The following CLRN3 variants were observed in gnomAD, a reference collection of about 807,000 sequenced individuals.
The protein encoded by CLRN3 is clarin-3.
A neutral mutation model predicts 16.7 loss-of-function variants in CLRN3; 12 were observed. The observed-to-expected ratio is 0.72, with a 90% CI of 0.46 to 1.16. The LOEUF (loss-of-function observed/expected upper bound fraction) is 1.16. CLRN3 is among the 50% of genes most tolerant of loss of function. CLRN3 has a pLI of 0.00. For missense variants in CLRN3, 296 were observed against 274.2 expected (o/e 1.08, Z -0.56); for synonymous variants, 118 against 113.0 (o/e 1.04, Z -0.28).
chr10:127,881,796 G>C (rs1004763932), intron 2 of CLRN3, among the ~76,000 whole-genome samples: 1 of 152,200 alleles, frequency 6.6e-6, no homozygotes, highest in African/African-American at 2.4e-5. Flanking sequence ...AGAGTGGCCA[G>C]CAGTCATCTT....
rs190444971 is a variant in CLRN3, at chr10:127,891,236, T to C, written c.229+1320A>G. Among the ~76,000 whole-genome samples, 1,217 of 152,324 alleles carry C rather than the reference T, an allele frequency of 8.0e-3. 58 individuals are homozygous for C. The highest frequency in any genetic ancestry group is 0.072 in the Admixed American group (1,107 of 15,298). On this transcript the variant is annotated intron_variant, in intron 1 of 2. Transcript: ENST00000368671. ...CAGGTCCTGACACATCCTGGCCTCC[T>C]CTGAGTCTCCGTGCATAGAGATAGT...
chr10:127,879,730 T>C (rs941604185), intron 2 of CLRN3, among the ~76,000 whole-genome samples: 1 of 152,130 alleles, frequency 6.6e-6, no homozygotes, highest in Non-Finnish European at 1.5e-5. Flanking sequence ...CAAAAAACCA[T>C]GGAATTGTAT....
Position 127,892,547 on chromosome 10 carries a change from A to G in CLRN3, c.229+9T>C, listed in dbSNP as rs1187685155. On this transcript the variant is annotated intron_variant, in intron 1 of 2. Coordinates refer to ENST00000368671, the MANE Select transcript of CLRN3 (RefSeq NM_152311.5). ...TCACTATATTCATTCAAATTAGTTT[A>G]TCATTTACCTGCAAACTTTTTCTTT... 7.1e-6 allele frequency: 10 copies of G among 1,411,002 alleles called. No individual in the cohort carries two copies. In the Admixed American group the frequency reaches 8.4e-5, roughly 12 times the overall value. 87.4% of individuals were successfully genotyped at this position (1,411,002 alleles called of 1,614,324 possible).
At chr10:127,880,453 G>A (rs758591957) in intron 2 of CLRN3, among the ~76,000 whole-genome samples, 6 of 152,302 alleles carry the variant, frequency 3.9e-5, no homozygotes, top group South Asian at 2.1e-4. Flanking sequence ...GAAGGCTCAC[G>A]GACCCTGGCT....
intron 1 of CLRN3, among the ~76,000 whole-genome samples, chr10:127,884,077 T>C (rs1331253046): frequency 6.6e-6 from 1 of 152,204 alleles, no homozygotes; most frequent in Non-Finnish European, 1.5e-5. Flanking sequence ...GTTGGATGGG[T>C]ATAACCGCGA....
chr10:127,884,949 C>T (rs192644986), intron 1 of CLRN3, among the ~76,000 whole-genome samples: 28 of 152,300 alleles, frequency 1.8e-4, no homozygotes, highest in Non-Finnish European at 2.8e-4. Context: ...AGAAGAGTTC[C>T]GAGTCACAGT....
chr10:127,890,938 T>G (rs1178265664), intron 1 of CLRN3, among the ~76,000 whole-genome samples: 2 of 152,184 alleles, frequency 1.3e-5, no homozygotes, highest in East Asian at 3.9e-4. Context: ...AGAGTGACAG[T>G]GCAGCCCCTT....
intron 1 of CLRN3, among the ~76,000 whole-genome samples, chr10:127,885,980 C>T (rs1845189373): frequency 6.6e-6 from 1 of 152,168 alleles, no homozygotes; most frequent in Non-Finnish European, 1.5e-5. Flanking sequence ...GTCTCGAACT[C>T]CCAACCTCAG....
In CLRN3 at chr10:127,885,102, C is replaced by A. The variant is rs1050999124; in HGVS notation, c.230-1227G>T. ...TGGAGCAGCTTTAAAGAACAGAAAG[C>A]GAAAAGGCCAGGTAGGATCTCTGGT... On this transcript the variant is annotated intron_variant, in intron 1 of 2. Transcript: ENST00000368671. Among the ~76,000 whole-genome samples, 4 of 152,128 alleles carry A rather than the reference C, an allele frequency of 2.6e-5. No individual in the cohort carries two copies. In the South Asian group the frequency reaches 6.2e-4, roughly 24 times the overall value.
intron 2 of CLRN3, among the ~76,000 whole-genome samples, chr10:127,882,275 C>A (rs1845136808): frequency 6.6e-6 from 1 of 152,188 alleles, no homozygotes; most frequent in African/African-American, 2.4e-5. Flanking sequence ...AAAGAAAGAG[C>A]CAGTCATATA....
chr10:127,882,696 C>T (rs1040301779), intron 2 of CLRN3, among the ~76,000 whole-genome samples: 7 of 152,194 alleles, frequency 4.6e-5, no homozygotes, highest in Admixed American at 6.5e-5. Flanking sequence ...GCCCCTCCTC[C>T]GAGGCTTCCT....
intron 2 of CLRN3, among the ~76,000 whole-genome samples, chr10:127,880,486 G>A (rs1329582386): frequency 1.3e-5 from 2 of 152,122 alleles, no homozygotes; most frequent in Non-Finnish European, 2.9e-5. Flanking sequence ...TGTGACCATC[G>A]GGCCCTGTGA....
chr10:127,887,378 T>C (rs1845208606), intron 1 of CLRN3, among the ~76,000 whole-genome samples: 1 of 152,106 alleles, frequency 6.6e-6, no homozygotes, highest in African/African-American at 2.4e-5. Context: ...CTGAAGTGGC[T>C]TGCAGTATTT....
chr10:127,883,797 G>C lies in CLRN3; in HGVS notation c.308C>G (p.Thr103Arg). The C allele has an allele frequency of 6.2e-7, 1 of 1,614,110 alleles. No individual in the cohort carries two copies. The highest frequency in any genetic ancestry group is 8.5e-7 in the Non-Finnish European group (1 of 1,179,956). The change falls in exon 2 of 3, where the codon ACG (threonine) becomes AGG (arginine). Residue 103 changes from threonine (T) to arginine (R), a missense_variant. Thr to Arg is a moderately conservative substitution (Grantham distance 71, BLOSUM62 -1). Coordinates refer to ENST00000368671, the MANE Select transcript of CLRN3 (RefSeq NM_152311.5). ...TILFLVLSLI[T>R]SLLSSGFTFY... ...GGTAAACCCAGAGCTCAGCAGCGAC[G>C]TGATCAAACTCAGGACCAGGAACAG...
At chr10:127,890,034 C>G (rs1290206651) in intron 1 of CLRN3, among the ~76,000 whole-genome samples, 2 of 152,218 alleles carry the variant, frequency 1.3e-5, no homozygotes, top group African/African-American at 4.8e-5. Flanking sequence ...CTGCACATAC[C>G]ATGCTCCAGC....
chr10:127,879,144 C>T (rs1845095769), intron 2 of CLRN3, among the ~76,000 whole-genome samples: 1 of 152,176 alleles, frequency 6.6e-6, no homozygotes, highest in Non-Finnish European at 1.5e-5. Flanking sequence ...GGGTCTCACT[C>T]TCCCCTGGGC....
At chr10:127,878,506 T>C (rs765883162) in intron 2 of CLRN3, 86 bp from the exon 3 acceptor site, 12 of 1,537,174 alleles carry the variant, frequency 7.8e-6, no homozygotes, top group East Asian at 4.6e-5. Flanking sequence ...TATATGGGAA[T>C]GTATTGCATA....
In CLRN3 at chr10:127,883,862, C is replaced by T. The variant is rs2135080567; in HGVS notation, c.243G>A (p.Leu81=). The change falls in exon 2 of 3, where the codon CTG becomes CTA. Residue 81 remains leucine, a synonymous_variant. Coordinates refer to ENST00000368671, the MANE Select transcript of CLRN3 (RefSeq NM_152311.5). The stretch of plus-strand genomic sequence containing the variant: ...GCAGAGTTTTTTGGGAAGAATTATT[C>T]AGTATCTCTAAAACTAAAACAATGT... ...PKKKFAVLEI[L]NNSSQKTLHS... is the part of the protein sequence containing the mutation. 2 of 1,614,180 alleles carry T rather than the reference C, an allele frequency of 1.2e-6. No homozygotes were observed. The highest frequency in any genetic ancestry group is 2.2e-5 in the East Asian group (1 of 44,882).
At chr10:127,885,928 T>A (rs1018053705) in intron 1 of CLRN3, among the ~76,000 whole-genome samples, 7 of 152,152 alleles carry the variant, frequency 4.6e-5, no homozygotes, top group Non-Finnish European at 1.0e-4. Flanking sequence ...GCTAATTTTG[T>A]ATTTTTAGTA....
Sources: gnomAD v4.1 joint callset for allele counts (sites outside exome capture counted in the v4.1 genomes callset) on GRCh38, gnomAD v4.1.1 for gene constraint, MANE v1.5 for transcripts, NCBI Gene and HGNC (gene_info 2026-07-23, HGNC 2026-07-21) for gene names.